The following ELN variants were observed in gnomAD, a reference collection of about 807,000 sequenced individuals.
The protein encoded by ELN is tropoelastin.
ELN carries 65 observed loss-of-function variants against 105.8 expected under a neutral mutation model. The observed-to-expected ratio is 0.61, with a 90% CI of 0.50 to 0.75. The LOEUF (loss-of-function observed/expected upper bound fraction) is 0.75. Among genes scored for constraint, ELN ranks in the 30% least tolerant of loss-of-function variants. The pLI, the probability that ELN is intolerant of heterozygous loss-of-function variation, is 0.00. For missense variants in ELN, 882 were observed against 969.4 expected, an observed-to-expected ratio of 0.91 and a Z score of 1.20; for synonymous variants, 368 against 389.2, an observed-to-expected ratio of 0.95 and a Z score of 0.64.
chr7:74,057,356 A>T, intron 21 of ELN: 1 of 1,477,848 alleles, frequency 6.8e-7, no homozygotes, highest in Non-Finnish European at 8.9e-7. Flanking sequence ...GGGAGGGGCA[A>T]GGCTGAAAGT....
intron 8 of ELN, 193 bp from the exon 9 acceptor site, chr7:74,043,686 C>A: frequency 1.4e-6 from 1 of 706,662 alleles, no homozygotes; most frequent in Non-Finnish European, 2.5e-6. Flanking sequence ...ATCCACACAC[C>A]GAAGAGTTTG....
chr7:74,065,971 G>C lies in ELN; in HGVS notation c.2060G>C (p.Gly687Ala), dbSNP rs139547471. 1.2e-6 allele frequency: 2 copies of C among 1,614,088 alleles called. No individual in the cohort carries two copies. Among genetic ancestry groups the C allele is most frequent in the Non-Finnish European group, 1.7e-6 (2 of 1,180,000 alleles). ...GCTGCTGGCCTTGGAGGTGTCCTAG[G>C]GGGTGCCGGGCAGTTCCCACTTGGA... is the stretch of plus-strand genomic sequence containing the variant. ...YGAAGLGGVLGGAGQFPLGGV... is the reference protein window; with the variant it reads ...YGAAGLGGVLAGAGQFPLGGV... Residue 687 changes from glycine (G) to alanine (A), a missense_variant, in exon 31 of 33, where the codon GGG becomes GCG. Physicochemically the swap from Gly to Ala is moderately conservative, Grantham distance 60 (BLOSUM62 0). Coordinates refer to ENST00000252034, the MANE Select transcript of ELN (RefSeq NM_000501.4).
At chr7:74,054,383 G>A (rs942293870) in intron 18 of ELN, among the ~76,000 whole-genome samples, 1 of 151,750 alleles carries the variant, frequency 6.6e-6, no homozygotes, top group Admixed American at 6.6e-5. Flanking sequence ...GGCAGGAGAA[G>A]TGCTTGAACC....
chr7:74,042,074 A>G (rs1554668825), intron 5 of ELN, among the ~76,000 whole-genome samples: 1 of 151,832 alleles, frequency 6.6e-6, no homozygotes, highest in Non-Finnish European at 1.5e-5. Context: ...AAAAAAAAAA[A>G]GAGCCATGCA....
chr7:74,068,844 C>A lies in ELN; in HGVS notation c.*144C>A. On this transcript the variant is annotated 3_prime_UTR_variant, in exon 33 of 33. Coordinates refer to ENST00000252034, the MANE Select transcript of ELN (RefSeq NM_000501.4). ...GGGCAGGCCGGGCGGCCTTGCAGATCCACAGGGCAAGGAAACAAGAGGGGA... is the reference window on the plus strand; with the variant it reads ...GGGCAGGCCGGGCGGCCTTGCAGATACACAGGGCAAGGAAACAAGAGGGGA... 2 of 997,530 alleles carry A rather than the reference C, an allele frequency of 2.0e-6. No individual in the cohort carries two copies. Among genetic ancestry groups the A allele is most frequent in the Non-Finnish European group, 3.1e-6 (2 of 642,028 alleles). The allele number at this position is 997,530 out of a possible 1,614,324, so 61.8% of individuals were successfully genotyped here. A position where few individuals can be genotyped will look rare whatever the true frequency, so the allele number is the denominator to read the frequency against.
rs1793102386 is a variant in ELN at position 74,048,534 on chromosome 7, A to G, written c.777A>G (p.Ala259=). ...GCCCCCAGGCAGCAGCAGCAGCGGCAGCTAAAGCAGCAGCAAAGTTCGGTG... is the reference window on the plus strand; with the variant it reads ...GCCCCCAGGCAGCAGCAGCAGCGGCGGCTAAAGCAGCAGCAAAGTTCGGTG... ...GVGPQAAAAA[A]AKAAAKFGAG... is the part of the protein sequence containing the mutation. Residue 259 remains alanine, a synonymous_variant, in exon 15 of 33, where the codon GCA becomes GCG. Transcript: ENST00000252034. 4 of 1,613,986 alleles carry G rather than the reference A, an allele frequency of 2.5e-6. No individual in the cohort carries two copies. The highest frequency in any genetic ancestry group is 3.4e-6 in the Non-Finnish European group (4 of 1,179,932).
At chr7:74,046,819 C>T (rs1554672696) in intron 12 of ELN, 52 bp downstream of exon 12, 6 of 1,600,034 alleles carry the variant, frequency 3.7e-6, no homozygotes, top group African/African-American at 1.3e-5. Flanking sequence ...TGTGGTGGTT[C>T]ACACCTGTAA....
intron 17 of ELN, chr7:74,052,446 A>C: frequency 4.6e-6 from 1 of 219,448 alleles, no homozygotes. Context: ...TTATCTAGGC[A>C]TGGTGGCACA....
At chr7:74,056,196 C>T in intron 19 of ELN, 75 bp from the exon 20 acceptor site, 1 of 1,583,116 alleles carries the variant, frequency 6.3e-7, no homozygotes, top group South Asian at 1.1e-5. Context: ...CTTTCCCAAT[C>T]CATCAGCATC....
chr7:74,028,224 G>C lies in ELN; in HGVS notation c.37G>C (p.Val13Leu), dbSNP rs782726436. ...GLTAAAPRPG[V>L]LLLLLSILHP... ...GACGGCGGCGGCCCCGCGGCCCGGA[G>C]TCCTCCTGCTCCTGCTGTCCATCCT... The change falls in exon 1 of 33, where the codon GTC (valine) becomes CTC (leucine). Residue 13 changes from valine to leucine, a missense_variant. Transcript: ENST00000252034. 6.2e-7 allele frequency: 1 copy of C among 1,610,996 alleles called. No individual in the cohort carries two copies. The highest frequency in any genetic ancestry group is 1.7e-5 in the Admixed American group (1 of 59,956).
At chr7:74,045,392 C>G in intron 10 of ELN, 99 bp downstream of exon 10, 1 of 1,375,632 alleles carries the variant, frequency 7.3e-7, no homozygotes, top group East Asian at 2.4e-5. Flanking sequence ...TGGCTCAGGG[C>G]CCTCTGGGTG....
At chr7:74,061,654 A>AAAAAG (rs782504436) in intron 26 of ELN, among the ~76,000 whole-genome samples, 4 of 152,180 alleles carry the variant, frequency 2.6e-5, no homozygotes, top group East Asian at 1.9e-4. Flanking sequence ...TGTATCTCAA[A>AAAAAG]AAAAGAAAAG....
intron 15 of ELN, among the ~76,000 whole-genome samples, chr7:74,051,475 A>C (rs1433918112): frequency 6.6e-6 from 1 of 152,200 alleles, no homozygotes; most frequent in East Asian, 1.9e-4. Context: ...GGGAGCGGCC[A>C]CTTGTGGTTT....
At chr7:74,061,857 G>A (rs1421598156) in intron 26 of ELN, among the ~76,000 whole-genome samples, 2 of 152,174 alleles carry the variant, frequency 1.3e-5, no homozygotes, top group East Asian at 3.9e-4. Flanking sequence ...CATGGTCCCT[G>A]TGTCCAGGAA....
At chr7:74,052,930 GAAAA>G (rs1332663680) in intron 17 of ELN, 2 of 581,724 alleles carry the variant, frequency 3.4e-6, no homozygotes, top group African/African-American at 1.9e-5. Context: ...GAAAAGAAAA[GAAAA>G]AGAAAGAGAT....
rs1311266954 is a variant in ELN, at chr7:74,053,258, G to A, written c.1045G>A (p.Ala349Thr). The change falls in exon 18 of 33, where the codon GCT becomes ACT. Residue 349 changes from alanine to threonine, a missense_variant. Transcript: ENST00000252034. Reference protein sequence around the residue: ...AGVPGVGVPGAGIPVVPGAGI... With the variant: ...AGVPGVGVPGTGIPVVPGAGI... The stretch of plus-strand genomic sequence containing the variant: ...CGTTCCAGGTGTTGGTGTCCCAGGA[G>A]CTGGGATTCCAGTTGTCCCAGGTGC... 6.2e-7 allele frequency: 1 copy of A among 1,614,076 alleles called. No homozygotes were observed. The highest frequency in any genetic ancestry group is 1.7e-5 in the Admixed American group (1 of 60,012).
At chr7:74,028,391 G>C in intron 1 of ELN, 122 bp downstream of exon 1, 1 of 1,169,136 alleles carries the variant, frequency 8.6e-7, no homozygotes, top group Non-Finnish European at 1.2e-6. Flanking sequence ...CCAGGTGGGA[G>C]CCCCTCAGCC....
chr7:74,041,383 ATGCTGATACCAAC>A, intron 5 of ELN, 132 bp downstream of exon 5: 2 of 1,135,208 alleles, frequency 1.8e-6, no homozygotes. Flanking sequence ...ACGGGGACTG[ATGCTGATACCAAC>A]TGCCCCAAGC....
At position 74,060,510 on chromosome 7, in the gene ELN, G is replaced by A. The variant is rs1554683729; in HGVS notation, c.1747+9G>A. On this transcript the variant is annotated intron_variant, in intron 25 of 32. Transcript: ENST00000252034. ...TCCTGGCTTCGGGGCAGGTGCAGATGAGGGAGTTAGGCGGAGCCTGTCCCC... is the reference window on the plus strand; with the variant it reads ...TCCTGGCTTCGGGGCAGGTGCAGATAAGGGAGTTAGGCGGAGCCTGTCCCC... 1.2e-6 allele frequency: 2 copies of A among 1,614,248 alleles called. No homozygotes were observed. The highest frequency in any genetic ancestry group is 1.7e-6 in the Non-Finnish European group (2 of 1,180,042).
Sources: allele counts gnomAD v4.1 joint callset (sites outside exome capture counted in the v4.1 genomes callset), GRCh38; gene constraint gnomAD v4.1.1; transcripts MANE v1.5; gene names NCBI Gene and HGNC (gene_info 2026-07-23, HGNC 2026-07-21).